Variants in IGSF11 observed in about 807,000 individuals in gnomAD.
The protein encoded by IGSF11 is immunoglobulin superfamily member 11, also known as CXADR like 1.
Under a neutral mutation model 41.0 loss-of-function variants are expected in IGSF11, and 22 were observed. The observed-to-expected ratio is 0.54, with a 90% CI of 0.38 to 0.77. The LOEUF (loss-of-function observed/expected upper bound fraction) is 0.77. IGSF11 is among the 30% of genes least tolerant of loss of function. IGSF11 has a pLI of 0.00. For missense variants in IGSF11, 444 were observed against 530.8 expected (o/e 0.84, Z 1.61); for synonymous variants, 219 against 201.3 (o/e 1.09, Z -0.74).
chr3:118,953,542 T>A (rs895268771), intron 1 of IGSF11, among the ~76,000 whole-genome samples: 1 of 152,232 alleles, frequency 6.6e-6, no homozygotes, highest in Non-Finnish European at 1.5e-5. Context: ...GTTCCCTTTC[T>A]ACCTCATCCA....
intron 4 of IGSF11, among the ~76,000 whole-genome samples, chr3:118,913,991 C>T (rs1940695217): frequency 6.6e-6 from 1 of 151,898 alleles, no homozygotes; most frequent in Non-Finnish European, 1.5e-5. Flanking sequence ...GAAATATTCA[C>T]AAGGATTAGG....
intron 1 of IGSF11, among the ~76,000 whole-genome samples, chr3:119,084,416 A>C (rs1354254494): frequency 2.6e-5 from 4 of 152,020 alleles, no homozygotes; most frequent in African/African-American, 9.7e-5. Flanking sequence ...GCTGCAGGAG[A>C]CCCCACATCC....
intron 1 of IGSF11, among the ~76,000 whole-genome samples, chr3:119,018,957 C>A (rs1281657964): frequency 6.6e-6 from 1 of 152,210 alleles, no homozygotes; most frequent in Non-Finnish European, 1.5e-5. Flanking sequence ...AGCTGTTTAA[C>A]CACATTCAGT....
intron 1 of IGSF11, among the ~76,000 whole-genome samples, chr3:119,112,261 C>T (rs1420221437): frequency 6.6e-6 from 1 of 152,182 alleles, no homozygotes; most frequent in Non-Finnish European, 1.5e-5. Flanking sequence ...CTCGAGCTTC[C>T]CGCCTGCTTT....
chr3:118,912,722 C>A (rs1467626517), intron 4 of IGSF11, among the ~76,000 whole-genome samples: 1 of 152,236 alleles, frequency 6.6e-6, no homozygotes, highest in Middle Eastern at 3.4e-3. Flanking sequence ...GGAGGATTAG[C>A]ATACAAAGAG....
At chr3:118,906,246 TGGA>T (rs1939577696) in intron 4 of IGSF11, among the ~76,000 whole-genome samples, 1 of 152,086 alleles carries the variant, frequency 6.6e-6, no homozygotes, top group Non-Finnish European at 1.5e-5. Flanking sequence ...TGAGGTTGCC[TGGA>T]GGAAATACCA....
intron 1 of IGSF11, among the ~76,000 whole-genome samples, chr3:119,008,069 G>A (rs904720962): frequency 1.5e-5 from 2 of 133,206 alleles, no homozygotes; most frequent in South Asian, 4.9e-4. Flanking sequence ...TGAGACCTAT[G>A]AGAGATTATT....
chr3:118,999,969 TA>T (rs1173602215), intron 1 of IGSF11, among the ~76,000 whole-genome samples: 1 of 151,626 alleles, frequency 6.6e-6, no homozygotes, highest in Non-Finnish European at 1.5e-5. Flanking sequence ...GCTTCTCAAT[TA>T]ACCATCTAAA....
At chr3:119,110,400 C>G (rs985352892) in intron 1 of IGSF11, among the ~76,000 whole-genome samples, 3 of 152,158 alleles carry the variant, frequency 2.0e-5, no homozygotes, top group Non-Finnish European at 2.9e-5. Context: ...TTATCAGAGA[C>G]TAGGATTACA....
At chr3:119,095,463 A>C (rs1427137183) in intron 1 of IGSF11, among the ~76,000 whole-genome samples, 1 of 152,202 alleles carries the variant, frequency 6.6e-6, no homozygotes, top group East Asian at 1.9e-4. Context: ...CTAAAATATC[A>C]GTTTACTTTC....
intron 1 of IGSF11, among the ~76,000 whole-genome samples, chr3:119,120,135 T>C (rs916309983): frequency 1.3e-5 from 2 of 152,224 alleles, no homozygotes; most frequent in Non-Finnish European, 2.9e-5. Flanking sequence ...GGAGGCATGA[T>C]ATCTCACACA....
At chr3:118,962,471 G>T (rs904092449) in intron 1 of IGSF11, among the ~76,000 whole-genome samples, 1 of 152,082 alleles carries the variant, frequency 6.6e-6, no homozygotes, top group Non-Finnish European at 1.5e-5. Context: ...AATCTACTCT[G>T]GTTGTCAAGC....
At chr3:118,970,941 A>C (rs2107617840) in intron 1 of IGSF11, among the ~76,000 whole-genome samples, 1 of 152,278 alleles carries the variant, frequency 6.6e-6, no homozygotes, top group East Asian at 1.9e-4. Flanking sequence ...TCACAGCAGC[A>C]TTGGCAGCTG....
intron 1 of IGSF11, among the ~76,000 whole-genome samples, chr3:119,096,039 A>C (rs1260925211): frequency 6.6e-6 from 1 of 150,676 alleles, no homozygotes; most frequent in Non-Finnish European, 1.5e-5. Context: ...CTTAAGGATG[A>C]AAACTGTTTT....
At chr3:119,135,605 A>T (rs1028030373) in intron 1 of IGSF11, among the ~76,000 whole-genome samples, 2 of 152,230 alleles carry the variant, frequency 1.3e-5, no homozygotes, top group Non-Finnish European at 2.9e-5. Context: ...ACGTTTTTAT[A>T]CTGTTGGTGG....
intron 1 of IGSF11, among the ~76,000 whole-genome samples, chr3:119,004,791 C>G (rs1436746692): frequency 1.3e-5 from 2 of 151,050 alleles, no homozygotes; most frequent in Non-Finnish European, 2.9e-5. Flanking sequence ...GATTCTTAAT[C>G]CTGAGTTCTA....
intron 1 of IGSF11, among the ~76,000 whole-genome samples, chr3:119,091,691 A>G (rs898528463): frequency 2.0e-5 from 3 of 152,128 alleles, no homozygotes; most frequent in Non-Finnish European, 2.9e-5. Flanking sequence ...AGAGACACTG[A>G]AGACTACTAG....
At chr3:118,946,614 T>C (rs1235654059) in intron 1 of IGSF11, among the ~76,000 whole-genome samples, 2 of 152,184 alleles carry the variant, frequency 1.3e-5, no homozygotes, top group African/African-American at 2.4e-5. Flanking sequence ...GTGTCCAATG[T>C]ATGTCATACT....
rs1248704742 is a variant in IGSF11 at position 119,057,459 on chromosome 3, A to G, written c.49+47685T>C. Among the ~76,000 whole-genome samples the G allele has an allele frequency of 1.2e-4, 19 of 152,258 alleles. No homozygotes were observed. In the East Asian group the frequency reaches 3.5e-3, roughly 28 times the overall value. ...TGAGGAGAACTACAAACCACTGCTC[A>G]ATGAAATAAAAGAGGATACAAACAA... is the stretch of plus-strand genomic sequence containing the variant. On this transcript the variant is annotated intron_variant, in intron 1 of 6. Transcript: ENST00000354673.
Sources: gnomAD v4.1 joint callset for allele counts (sites outside exome capture counted in the v4.1 genomes callset) on GRCh38, gnomAD v4.1.1 for gene constraint, MANE v1.5 for transcripts, NCBI Gene and HGNC (gene_info 2026-07-23, HGNC 2026-07-21) for gene names.